ARHGAP29: variants seen among roughly 807,000 people sequenced by gnomAD.
ARHGAP29 encodes Rho GTPase activating protein 29.
ARHGAP29 carries 43 observed loss-of-function variants against 122.6 expected under a neutral mutation model. The observed-to-expected ratio is 0.35, with a 90% CI of 0.27 to 0.45. The LOEUF is 0.45. Ranked by LOEUF, ARHGAP29 falls within the 20% of genes least tolerant of loss-of-function variation. The probability of loss-of-function intolerance (pLI) is 1.00; values close to 1 mark genes in which losing one functional copy is unlikely to be tolerated. For missense variants in ARHGAP29, 1,303 were observed against 1,477.2 expected (o/e 0.88, Z 1.93); for synonymous variants, 506 against 497.1 (o/e 1.02, Z -0.24).
At chr1:94,194,533 T>G (rs1252209039) in intron 12 of ARHGAP29, 1 of 152,144 alleles carries the variant, frequency 6.6e-6, no homozygotes, top group East Asian at 1.9e-4. Flanking sequence ...CACTATCAGA[T>G]TCAGGGTCTG....
At chr1:94,203,341 C>T in intron 8 of ARHGAP29, 131 bp from the exon 9 acceptor site, 1 of 567,048 alleles carries the variant, frequency 1.8e-6, no homozygotes, top group Non-Finnish European at 3.0e-6. Context: ...TAGTCAAAAA[C>T]ATGACTATGA....
intron 12 of ARHGAP29, chr1:94,193,531 C>T (rs778893661): frequency 6.6e-6 from 1 of 152,050 alleles, no homozygotes; most frequent in African/African-American, 2.4e-5. Context: ...CAAAAAAAAT[C>T]CCACAAAAAC....
At chr1:94,248,892 T>G (rs1056612921) in intron 1 of ARHGAP29, among the ~76,000 whole-genome samples, 10 of 152,174 alleles carry the variant, frequency 6.6e-5, no homozygotes, top group Non-Finnish European at 1.0e-4. Flanking sequence ...TTTTTATGTT[T>G]TGTGGAGATG....
chr1:94,260,577 C>T (rs1034251250), intron 1 of ARHGAP29, among the ~76,000 whole-genome samples: 7 of 152,146 alleles, frequency 4.6e-5, no homozygotes, highest in Admixed American at 6.5e-5. Context: ...ATCAATAGCA[C>T]TAATAGGACC....
At chr1:94,186,386 T>G in intron 16 of ARHGAP29, 113 bp downstream of exon 16, 3 of 658,286 alleles carry the variant, frequency 4.6e-6, no homozygotes, top group Non-Finnish European at 7.5e-6. Flanking sequence ...GAATTTTTTT[T>G]GTTTAATACA....
At chr1:94,271,258 CA>C (rs2100732783) in intron 1 of ARHGAP29, among the ~76,000 whole-genome samples, 1 of 151,958 alleles carries the variant, frequency 6.6e-6, no homozygotes, top group South Asian at 2.1e-4. Flanking sequence ...TGACAGTAAG[CA>C]AGTAAGAGAA....
chr1:94,253,388 C>A (rs1654185021), intron 1 of ARHGAP29, among the ~76,000 whole-genome samples: 1 of 152,152 alleles, frequency 6.6e-6, no homozygotes, highest in South Asian at 2.1e-4. Flanking sequence ...GTTTTAAAAT[C>A]TCTGTAAATC....
intron 16 of ARHGAP29, 152 bp downstream of exon 16, chr1:94,186,347 T>A (rs1280013261): frequency 1.9e-6 from 1 of 532,336 alleles, no homozygotes; most frequent in East Asian, 3.1e-5. Context: ...TACTTATATA[T>A]AATTGTTGGG....
At chr1:94,205,744 A>AT in intron 5 of ARHGAP29, 61 bp from the exon 6 acceptor site, 5 of 1,519,614 alleles carry the variant, frequency 3.3e-6, no homozygotes, top group Non-Finnish European at 4.5e-6. Flanking sequence ...TTGCTTCAGA[A>AT]TTTTTTTGCC....
At chr1:94,271,150 C>T (rs1654977224) in intron 1 of ARHGAP29, among the ~76,000 whole-genome samples, 1 of 152,224 alleles carries the variant, frequency 6.6e-6, no homozygotes, top group Admixed American at 6.5e-5. Flanking sequence ...TTAGACTGAG[C>T]GACTTGGTTC....
chr1:94,284,021 T>C, the ARHGAP29 span, among the ~76,000 whole-genome samples: 2 of 151,988 alleles, frequency 1.3e-5, no homozygotes, highest in South Asian at 2.1e-4. Context: ...ATCACAGAAT[T>C]TTCACCCAAT....
At chr1:94,200,181 AAAG>A (rs1650751038) in intron 12 of ARHGAP29, among the ~76,000 whole-genome samples, 1 of 152,186 alleles carries the variant, frequency 6.6e-6, no homozygotes, top group Non-Finnish European at 1.5e-5. Context: ...GACACTGCTA[AAAG>A]AATAAAAAGA....
chr1:94,202,186 A>G, intron 11 of ARHGAP29: 1 of 466,388 alleles, frequency 2.1e-6, no homozygotes, highest in Non-Finnish European at 3.7e-6. Flanking sequence ...GCTTTTGCCT[A>G]TCCTTGCTAT....
At chr1:94,193,140 A>G (rs1234660145) in intron 12 of ARHGAP29, 1 of 152,132 alleles carries the variant, frequency 6.6e-6, no homozygotes, top group Non-Finnish European at 1.5e-5. Context: ...TATTGCTGAA[A>G]AATAAAATAT....
the ARHGAP29 span, among the ~76,000 whole-genome samples, chr1:94,308,737 C>T: frequency 6.6e-6 from 1 of 152,210 alleles, no homozygotes; most frequent in Admixed American, 6.5e-5. Context: ...TCTCCTCCTA[C>T]ACCTTCTACC....
At chr1:94,195,534 AAT>A (rs1001967087) in intron 12 of ARHGAP29, 2 of 152,210 alleles carry the variant, frequency 1.3e-5, no homozygotes, top group African/African-American at 2.4e-5. Context: ...GACAAATTAA[AAT>A]ATATGTCTAG....
intron 1 of ARHGAP29, among the ~76,000 whole-genome samples, chr1:94,234,592 A>G (rs1363989885): frequency 6.6e-6 from 1 of 152,200 alleles, no homozygotes; most frequent in African/African-American, 2.4e-5. Flanking sequence ...CATTTAAACT[A>G]GTTTCAAACC....
At chr1:94,237,112 G>A (rs984316438) in intron 1 of ARHGAP29, among the ~76,000 whole-genome samples, 2 of 152,218 alleles carry the variant, frequency 1.3e-5, no homozygotes, top group Non-Finnish European at 1.5e-5. Context: ...CCCGTTGTAC[G>A]CGCTGTGTGC....
chr1:94,309,618 A>G, the ARHGAP29 span, among the ~76,000 whole-genome samples: 1 of 152,206 alleles, frequency 6.6e-6, no homozygotes. Flanking sequence ...TTTGAAGGTG[A>G]GAAATATGAG....
Sources: gnomAD v4.1 joint callset for allele counts (sites outside exome capture counted in the v4.1 genomes callset) on GRCh38, gnomAD v4.1.1 for gene constraint, MANE v1.5 for transcripts, NCBI Gene and HGNC (gene_info 2026-07-23, HGNC 2026-07-21) for gene names.